LOXL1: variants seen among roughly 807,000 people sequenced by gnomAD.
LOXL1 encodes the protein lysyl oxidase like 1.
LOXL1 carries 31 observed loss-of-function variants against 62.2 expected under a neutral mutation model. The observed-to-expected ratio is 0.50, with a 90% confidence interval of 0.37 to 0.67. LOXL1 has a LOEUF of 0.67. LOXL1 is among the 30% of genes least tolerant of loss of function. LOXL1 has a pLI of 0.00. For synonymous variants in LOXL1, 403 were observed against 384.4 expected (o/e 1.05, Z -0.56); for missense variants, 775 against 843.4 (o/e 0.92, Z 1.00).
Position 73,927,546 on chromosome 15 carries a change from C to A in LOXL1, c.763C>A (p.Pro255Thr). Reference sequence around the variant, plus strand: ...CCCGCCTCAGGGCTTCTACCCGGCCCCCGAGAGGCCCTACGTGCCGCCGCC... The same window carrying A: ...CCCGCCTCAGGGCTTCTACCCGGCCACCGAGAGGCCCTACGTGCCGCCGCC... ...EYPPQGFYPA[P>T]ERPYVPPPPP... Residue 255 changes from proline to threonine, a missense_variant, in exon 1 of 7, where the codon CCC becomes ACC. Physicochemically the swap from Pro to Thr is conservative, Grantham distance 38. Coordinates refer to ENST00000261921, the MANE Select transcript of LOXL1 (RefSeq NM_005576.4). 6.7e-7 allele frequency: 1 copy of A among 1,499,228 alleles called. No homozygotes were observed. The highest frequency in any genetic ancestry group is 1.3e-5 in the South Asian group (1 of 79,998). The allele number at this position is 1,499,228 out of a possible 1,614,324, so 92.9% of individuals were successfully genotyped here.
intron 2 of LOXL1, 102 bp downstream of exon 2, chr15:73,943,064 T>A: frequency 2.2e-6 from 2 of 906,790 alleles, no homozygotes; most frequent in Non-Finnish European, 3.6e-6. Context: ...TGCAAGCTGA[T>A]GACCCTGGCC....
At position 73,951,939 on chromosome 15, in the gene LOXL1, G is replaced by A; in HGVS notation, c.*102G>A. On this transcript the variant is annotated 3_prime_UTR_variant, in exon 7 of 7. Transcript: ENST00000261921. ...GCCCAGCCCCCAACCCACAGGCACG[G>A]AGGGGCATCCCTCCCTGCCGGCCTC... 9.4e-6 allele frequency: 10 copies of A among 1,067,254 alleles called. No homozygotes were observed. Among genetic ancestry groups the A allele is most frequent in the South Asian group, 2.6e-5 (1 of 38,038 alleles). The allele number at this position is 1,067,254 out of a possible 1,614,324, so 66.1% of individuals were successfully genotyped here.
rs1291592696 is a variant in LOXL1, at chr15:73,947,899, C to T, written c.1599C>T (p.Leu533=). 2.5e-6 allele frequency: 4 copies of T among 1,611,824 alleles called. No individual in the cohort carries two copies. The highest frequency in any genetic ancestry group is 1.3e-5 in the African/African-American group (1 of 74,866). ...ACGTGCAGCCTGGGAACTACATCCT[C>T]AAGGTGGGCCTCTGGGTCTGGGGCT... ...ITDVQPGNYI[L]KVHVNPKYIV... Residue 533 remains leucine, a synonymous_variant, in exon 5 of 7, where the codon CTC becomes CTT. Transcript: ENST00000261921.
intron 4 of LOXL1, 152 bp downstream of exon 4, chr15:73,947,375 C>T: frequency 1.3e-6 from 1 of 759,720 alleles, no homozygotes; most frequent in South Asian, 1.9e-5. Context: ...CAGGCTGCCA[C>T]ACTGCCCTGC....
intron 2 of LOXL1, 69 bp downstream of exon 2, chr15:73,943,031 CTG>C: frequency 6.5e-6 from 8 of 1,238,914 alleles, no homozygotes; most frequent in Non-Finnish European, 8.3e-6. Context: ...CCCAGCCTAG[CTG>C]TGGCTGCCAG....
chr15:73,937,308 T>C (rs2068681037), intron 1 of LOXL1, among the ~76,000 whole-genome samples: 1 of 152,236 alleles, frequency 6.6e-6, no homozygotes, highest in Admixed American at 6.5e-5. Context: ...AGCCAGGATA[T>C]AGAACATTGG....
chr15:73,939,317 C>T (rs946307211), intron 1 of LOXL1, among the ~76,000 whole-genome samples: 18 of 152,090 alleles, frequency 1.2e-4, no homozygotes, highest in Non-Finnish European at 1.9e-4. Flanking sequence ...CCTGGGACCT[C>T]GGCAAGGATC....
At position 73,945,516 on chromosome 15, in the gene LOXL1, G is replaced by A. The variant is rs563749002; in HGVS notation, c.1212-901G>A. On this transcript the variant is annotated intron_variant, in intron 2 of 6. Coordinates refer to ENST00000261921, the MANE Select transcript of LOXL1 (RefSeq NM_005576.4). This position sits in a 1 kb window ranked among gnomAD's most constrained non-coding sequence, Gnocchi z 4.3. The stretch of plus-strand genomic sequence containing the variant: ...TCAGGGAAAAAGTTCAGCCTGTTTG[G>A]AAAATAGGCTTTGAAGCAGGAACCC... 9.2e-5 allele frequency among the ~76,000 whole-genome samples: 14 copies of A among 152,310 alleles called. 1 individual carries two copies. In the East Asian group the frequency reaches 1.3e-3, roughly 15 times the overall value.
intron 2 of LOXL1, among the ~76,000 whole-genome samples, chr15:73,944,438 C>T (rs190893169): frequency 4.6e-5 from 7 of 152,230 alleles, no homozygotes; most frequent in Admixed American, 2.0e-4. Flanking sequence ...AACCAAGACA[C>T]GAGTGGGAAA....
At chr15:73,938,261 C>T (rs2068688162) in intron 1 of LOXL1, among the ~76,000 whole-genome samples, 1 of 133,730 alleles carries the variant, frequency 7.5e-6, no homozygotes. Context: ...GCCTGGGCAA[C>T]AGAGCTAGAC....
At chr15:73,928,264 T>G in intron 1 of LOXL1, 39 of 186,760 alleles carry the variant, frequency 2.1e-4, no homozygotes, top group Middle Eastern at 2.0e-3. Context: ...GGGCATCTCC[T>G]TCCCCCCTTA....
rs1421995184 is a variant in LOXL1, at chr15:73,927,554, G to T, written c.771G>T (p.Arg257Ser). ...AGGGCTTCTACCCGGCCCCCGAGAGGCCCTACGTGCCGCCGCCGCCGCCGC... is the reference window on the plus strand; with the variant it reads ...AGGGCTTCTACCCGGCCCCCGAGAGTCCCTACGTGCCGCCGCCGCCGCCGC... ...PPQGFYPAPE[R>S]PYVPPPPPPP... Residue 257 changes from arginine (R) to serine (S), a missense_variant, in exon 1 of 7, where the codon AGG becomes AGT. Transcript: ENST00000261921. 7.5e-7 allele frequency: 1 copy of T among 1,341,600 alleles called. No individual in the cohort carries two copies. Among genetic ancestry groups the T allele is most frequent in the African/African-American group, 1.6e-5 (1 of 63,018 alleles). The allele number at this position is 1,341,600 out of a possible 1,614,324, so 83.1% of individuals were successfully genotyped here.
chr15:73,947,527 A>C, intron 4 of LOXL1: 2 of 497,844 alleles, frequency 4.0e-6, no homozygotes, highest in Non-Finnish European at 7.1e-6. Flanking sequence ...TCTTTCCATC[A>C]GCCACCCTAA....
chr15:73,951,454 CCA>C (rs1243798270), intron 6 of LOXL1, among the ~76,000 whole-genome samples: 1 of 151,978 alleles, frequency 6.6e-6, no homozygotes, highest in Non-Finnish European at 1.5e-5. Flanking sequence ...CCCAGAAAGG[CCA>C]CGGGACTGAC....
chr15:73,927,481 G>T lies in LOXL1; in HGVS notation c.698G>T (p.Arg233Leu), dbSNP rs1402237715. Residue 233 changes from arginine to leucine, a missense_variant, in exon 1 of 7, where the codon CGC becomes CTC. Coordinates refer to ENST00000261921, the MANE Select transcript of LOXL1 (RefSeq NM_005576.4). ...GVIYPYQPRA[R>L]YEEYGGGEEL... Reference sequence around the variant, plus strand: ...ATCTACCCCTACCAGCCCCGGGCGCGCTACGAGGAGTACGGCGGCGGCGAA... The same window carrying T: ...ATCTACCCCTACCAGCCCCGGGCGCTCTACGAGGAGTACGGCGGCGGCGAA... 6 of 1,458,004 alleles carry T rather than the reference G, an allele frequency of 4.1e-6. No homozygotes were observed. The East Asian group carries it at 8.4e-5, about 21-fold the overall frequency. The allele number at this position is 1,458,004 out of a possible 1,614,324, so 90.3% of individuals were successfully genotyped here. A position where few individuals can be genotyped will look rare whatever the true frequency, so the allele number is the denominator to read the frequency against.
At chr15:73,951,802 T>G in intron 6 of LOXL1, 29 bp from the exon 7 acceptor site, 1 of 1,540,676 alleles carries the variant, frequency 6.5e-7, no homozygotes, top group Non-Finnish European at 8.8e-7. Flanking sequence ...TTGCAGCCCC[T>G]CATTGACCCA....
chr15:73,939,622 C>T (rs1168015213), intron 1 of LOXL1, among the ~76,000 whole-genome samples: 3 of 152,178 alleles, frequency 2.0e-5, no homozygotes, highest in Non-Finnish European at 2.9e-5. Flanking sequence ...AGAGGACTTA[C>T]AGGGAAGGGG....
In LOXL1 at chr15:73,936,626, G is replaced by A. The variant is rs191701992; in HGVS notation, c.1103-6228G>A. Among the ~76,000 whole-genome samples the A allele has an allele frequency of 2.3e-3, 346 of 152,340 alleles. 1 individual carries two copies. Among genetic ancestry groups the A allele is most frequent in the African/African-American group, 8.2e-3 (339 of 41,574 alleles). On this transcript the variant is annotated intron_variant, in intron 1 of 6. Transcript: ENST00000261921. ...CATCATTTGCCCCTCATGAGGAGGA[G>A]GCTTGGAGAGGAAAGATTCCAGAGA...
intron 1 of LOXL1, among the ~76,000 whole-genome samples, chr15:73,935,272 A>G (rs978200706): frequency 4.6e-5 from 7 of 152,120 alleles, no homozygotes; most frequent in Admixed American, 3.3e-4. Context: ...AGTGGTAGCA[A>G]TGGAGGAAGC....
Sources: gnomAD v4.1 joint callset for allele counts (sites outside exome capture counted in the v4.1 genomes callset) on GRCh38, gnomAD v4.1.1 for gene constraint, Gnocchi (gnomAD v3.1) non-coding constraint, MANE v1.5 for transcripts, NCBI Gene and HGNC (gene_info 2026-07-23, HGNC 2026-07-21) for gene names.